Variants in WDR7 observed in about 807,000 individuals in gnomAD.
WDR7 encodes WD repeat domain 7.
Under a neutral mutation model 169.4 loss-of-function variants are expected in WDR7, and 46 were observed. That is an observed-to-expected ratio of 0.27 (90% CI 0.21 to 0.35). The LOEUF (loss-of-function observed/expected upper bound fraction) is 0.35. Ranked by LOEUF, WDR7 falls within the 10% of genes least tolerant of loss-of-function variation. The pLI is 1.00. For synonymous variants in WDR7, 612 were observed against 666.8 expected, an observed-to-expected ratio of 0.92 and a Z score of 1.27; for missense variants, 1,534 against 1,859.3, an observed-to-expected ratio of 0.83 and a Z score of 3.22.
At chr18:57,034,212 A>C (rs1376221143), downstream of WDR7, 1 of 151,830 alleles carries the variant, frequency 6.6e-6, no homozygotes, top group African/African-American at 2.4e-5. Context: ...CAAAAAAAAA[A>C]TAAATAAATA....
intron 20 of WDR7, among the ~76,000 whole-genome samples, chr18:56,833,112 A>G (rs1275615140): frequency 2.0e-5 from 3 of 152,040 alleles, no homozygotes; most frequent in Non-Finnish European, 2.9e-5. Context: ...AGGAACTGCT[A>G]ACTAGAATAA....
intron 27 of WDR7, among the ~76,000 whole-genome samples, chr18:57,022,726 G>T (rs946257595): frequency 7.2e-5 from 11 of 152,228 alleles, no homozygotes; most frequent in Admixed American, 6.5e-4. Flanking sequence ...TACTGCCCAG[G>T]TCACTGATGG....
At chr18:56,754,915 G>T (rs1390993655) in intron 14 of WDR7, among the ~76,000 whole-genome samples, 2 of 152,128 alleles carry the variant, frequency 1.3e-5, no homozygotes, top group Admixed American at 6.5e-5. Context: ...CAGCTGCAGT[G>T]TATGAGTTTG....
intron 27 of WDR7, among the ~76,000 whole-genome samples, chr18:57,025,395 T>A (rs1331973224): frequency 1.3e-5 from 2 of 152,252 alleles, no homozygotes; most frequent in Non-Finnish European, 2.9e-5. Flanking sequence ...TTTAACTATT[T>A]GGGAACATCC....
At chr18:56,760,404 ATTTTG>A (rs2043963418) in intron 16 of WDR7, among the ~76,000 whole-genome samples, 1 of 152,142 alleles carries the variant, frequency 6.6e-6, no homozygotes, top group Admixed American at 6.5e-5. Flanking sequence ...CTATTGTTTA[ATTTTG>A]CCTATCTTTT....
chr18:56,771,062 A>G (rs542947385), intron 16 of WDR7, among the ~76,000 whole-genome samples: 37 of 152,310 alleles, frequency 2.4e-4, no homozygotes, highest in Admixed American at 1.3e-3. Context: ...GACCCAAACA[A>G]TTATGTCCAT....
At chr18:56,890,036 TGTTTTCCCTAGGAAAAGGATGCA>T (rs2046244312) in intron 21 of WDR7, among the ~76,000 whole-genome samples, 1 of 152,212 alleles carries the variant, frequency 6.6e-6, no homozygotes, top group South Asian at 2.1e-4. Context: ...TTTTTGTTGC[TGTTTTCCCTAGGAAAAGGATGCA>T]CAGATTCCAT....
At chr18:56,763,998 G>T (rs2044022676) in intron 16 of WDR7, among the ~76,000 whole-genome samples, 1 of 151,824 alleles carries the variant, frequency 6.6e-6, no homozygotes, top group Non-Finnish European at 1.5e-5. Context: ...TCTTTTCAAA[G>T]AACTAGCCTT....
rs143411478 is a variant in WDR7, at chr18:56,913,796, A to G, written c.3527-10126A>G. On this transcript the variant is annotated intron_variant, in intron 21 of 27. Transcript: ENST00000254442. ...GGTGACAGAGTGAGACCCTGTTTCA[A>G]AAAAATAAAATAAAAAATCCAGAAT... Among the ~76,000 whole-genome samples the G allele has an allele frequency of 1.9e-4, 23 of 123,698 alleles. No homozygotes were observed. In the East Asian group the frequency reaches 6.1e-3, roughly 33 times the overall value. 81.2% of individuals were successfully genotyped at this position (123,698 alleles called of 152,430 possible).
At chr18:56,956,482 C>T (rs1331361849) in intron 25 of WDR7, among the ~76,000 whole-genome samples, 1 of 152,086 alleles carries the variant, frequency 6.6e-6, no homozygotes, top group Non-Finnish European at 1.5e-5. Context: ...AGAACCTACC[C>T]TTGAATCTTT....
rs148693003 is a variant in WDR7, at chr18:56,883,385, G to T, written c.3526+3220G>T. ...TCACAGTTTATCTTTACACAAAATT[G>T]TGTTATTTGTGAATTAGCTTCTATA... is the stretch of plus-strand genomic sequence containing the variant. On this transcript the variant is annotated intron_variant, in intron 21 of 27. Transcript: ENST00000254442. Among the ~76,000 whole-genome samples the T allele has an allele frequency of 1.4e-3, 218 of 151,746 alleles. 3 individuals are homozygous for T. In the South Asian group the frequency reaches 0.02, roughly 14 times the overall value.
In WDR7 at chr18:57,009,924, G is replaced by A. The variant is rs569968364; in HGVS notation, c.4165-10821G>A. The A allele has an allele frequency of 1.6e-5, 16 of 985,362 alleles. No homozygotes were observed. In the East Asian group the frequency reaches 7.9e-4, roughly 49 times the overall value. 61.0% of individuals were successfully genotyped at this position (985,362 alleles called of 1,614,324 possible). ...TACTGCTCTAACCAAACCATCTTCC[G>A]TTAACCATAACCCAAATCAAAACCC... On this transcript the variant is annotated intron_variant, in intron 26 of 27. Transcript: ENST00000254442.
intron 20 of WDR7, among the ~76,000 whole-genome samples, chr18:56,855,506 T>A (rs1366156930): frequency 2.0e-5 from 3 of 152,206 alleles, no homozygotes; most frequent in Non-Finnish European, 4.4e-5. Context: ...TTTAAAGTTT[T>A]CCTACAGACA....
chr18:56,963,892 C>G (rs2047369171), intron 26 of WDR7, among the ~76,000 whole-genome samples: 1 of 150,882 alleles, frequency 6.6e-6, no homozygotes, highest in Non-Finnish European at 1.5e-5. Context: ...TATATTACTG[C>G]TAGTAAATTT....
chr18:56,912,130 GAAGT>G (rs2046561256), intron 21 of WDR7, among the ~76,000 whole-genome samples: 1 of 152,170 alleles, frequency 6.6e-6, no homozygotes, highest in African/African-American at 2.4e-5. Flanking sequence ...GTAGAAATCA[GAAGT>G]GAGTGAGTGA....
chr18:56,996,848 G>T (rs577085101), intron 26 of WDR7, among the ~76,000 whole-genome samples: 1 of 152,180 alleles, frequency 6.6e-6, no homozygotes, highest in East Asian at 1.9e-4. Context: ...GCCTGTAACT[G>T]TCATATAGCA....
At chr18:56,902,852 C>T (rs1253061168) in intron 21 of WDR7, among the ~76,000 whole-genome samples, 1 of 152,180 alleles carries the variant, frequency 6.6e-6, no homozygotes, top group East Asian at 1.9e-4. Context: ...GAAGGTGTGA[C>T]TCTCATCACT....
At position 57,024,623 on chromosome 18, in the gene WDR7, A is replaced by AACTAT. The variant is rs1568319077; in HGVS notation, c.4270-2381_4270-2380insACTAT. Among the ~76,000 whole-genome samples the AACTAT allele has an allele frequency of 7.4e-5, 7 of 94,058 alleles. 2 individuals are homozygous for AACTAT. The highest frequency in any genetic ancestry group is 1.3e-4 in the African/African-American group (2 of 14,920). 61.7% of individuals were successfully genotyped at this position (94,058 alleles called of 152,430 possible). A position where few individuals can be genotyped will look rare whatever the true frequency, so the allele number is the denominator to read the frequency against. ...TCTCAGGCAGGAATAGGGATATGTGAGCTATGATAGTTATGTCCCTTATAG... is the reference window on the plus strand; with the variant it reads ...TCTCAGGCAGGAATAGGGATATGTGAACTATGCTATGATAGTTATGTCCCTTATAG... On this transcript the variant is annotated intron_variant, in intron 27 of 27. Transcript: ENST00000254442.
rs1490784887 is a variant in WDR7 at position 56,695,028 on chromosome 18, A to G, written c.1187A>G (p.Gln396Arg). The change falls in exon 11 of 28, where the codon CAG becomes CGG. Residue 396 changes from glutamine to arginine, a missense_variant. Gln to Arg is a conservative substitution (Grantham distance 43). Coordinates refer to ENST00000254442, the MANE Select transcript of WDR7 (RefSeq NM_015285.3). ...LNPCPAGIID[Q>R]LSVIPNSNEP... ...CCTTGTCCTGCTGGAATTATAGATC[A>G]GCTGAGTGTGATTCCCAATAGTAAT... The G allele has an allele frequency of 6.2e-7, 1 of 1,614,214 alleles. No homozygotes were observed.
Sources: allele counts gnomAD v4.1 joint callset (sites outside exome capture counted in the v4.1 genomes callset), GRCh38; gene constraint gnomAD v4.1.1; transcripts MANE v1.5; gene names NCBI Gene and HGNC (gene_info 2026-07-23, HGNC 2026-07-21).